The following RBFOX1 variants were observed in gnomAD, a reference collection of about 807,000 sequenced individuals.
The protein encoded by RBFOX1 is RNA binding protein fox-1 homolog 1.
In RBFOX1, 8 loss-of-function variants were observed where a neutral mutation model predicts 57.7. The ratio of observed to expected loss-of-function variants is 0.14; its 90% CI spans 0.08 to 0.25. The LOEUF (loss-of-function observed/expected upper bound fraction) is 0.25. Among genes scored for constraint, RBFOX1 ranks in the 10% least tolerant of loss-of-function variants. The pLI is 1.00. For synonymous variants in RBFOX1, 326 were observed against 222.4 expected, an observed-to-expected ratio of 1.47 and a Z score of -4.15; for missense variants, 611 against 548.5, an observed-to-expected ratio of 1.11 and a Z score of -1.14.
chr16:7,562,709 C>T (rs1322199331), intron 5 of RBFOX1, among the ~76,000 whole-genome samples: 1 of 152,160 alleles, frequency 6.6e-6, no homozygotes, highest in East Asian at 1.9e-4. Context: ...AGCCCCCAGT[C>T]TTGAAAGAAG....
chr16:7,204,396 C>G (rs535579746), intron 4 of RBFOX1, among the ~76,000 whole-genome samples: 2 of 147,036 alleles, frequency 1.4e-5, no homozygotes, highest in African/African-American at 5.1e-5. Context: ...AATCCCAGTA[C>G]TTTGAGAGGC....
At chr16:7,542,332 A>C (rs2083169516) in intron 5 of RBFOX1, among the ~76,000 whole-genome samples, 1 of 152,186 alleles carries the variant, frequency 6.6e-6, no homozygotes, top group Non-Finnish European at 1.5e-5. Context: ...CTTGTGTTTG[A>C]AAGCATACGC....
At chr16:7,670,011 C>T (rs2070849628) in intron 13 of RBFOX1, among the ~76,000 whole-genome samples, 1 of 152,048 alleles carries the variant, frequency 6.6e-6, no homozygotes, top group African/African-American at 2.4e-5. Flanking sequence ...GGAATCTTAC[C>T]TCTATTTTTC....
At chr16:6,460,642 T>C (rs1450541829) in intron 2 of RBFOX1, among the ~76,000 whole-genome samples, 1 of 152,160 alleles carries the variant, frequency 6.6e-6, no homozygotes, top group Non-Finnish European at 1.5e-5. Flanking sequence ...TTTTACACTG[T>C]TAGTGGGAAT....
chr16:5,279,654 A>C (rs1357714184), intron 1 of RBFOX1, among the ~76,000 whole-genome samples: 5 of 152,000 alleles, frequency 3.3e-5, no homozygotes, highest in Non-Finnish European at 7.4e-5. Context: ...GGCACCTACC[A>C]CCATGCCTGG....
At chr16:7,494,258 T>C (rs929758459) in intron 4 of RBFOX1, among the ~76,000 whole-genome samples, 2 of 152,194 alleles carry the variant, frequency 1.3e-5, no homozygotes, top group African/African-American at 4.8e-5. Context: ...AAGCATCCCA[T>C]TAAATGCTTT....
intron 4 of RBFOX1, among the ~76,000 whole-genome samples, chr16:7,389,680 G>C (rs897430794): frequency 6.6e-6 from 1 of 152,132 alleles, no homozygotes; most frequent in East Asian, 1.9e-4. Context: ...AGACAATCTG[G>C]CTGGAGTTTA....
chr16:7,163,564 C>T (rs1567526385), intron 4 of RBFOX1, among the ~76,000 whole-genome samples: 2 of 152,258 alleles, frequency 1.3e-5, no homozygotes, highest in Middle Eastern at 3.4e-3. Flanking sequence ...CCTAGAATCT[C>T]AATAAGCTCT....
intron 3 of RBFOX1, among the ~76,000 whole-genome samples, chr16:5,828,424 A>G (rs9922469): frequency 0.067 from 10,185 of 152,230 alleles, 784 homozygotes; most frequent in African/African-American, 0.19. Flanking sequence ...AAAAAATGCA[A>G]CCACCGGGCT....
chr16:6,117,885 C>A (rs1218346036), intron 1 of RBFOX1, among the ~76,000 whole-genome samples: 1 of 152,138 alleles, frequency 6.6e-6, no homozygotes, highest in African/African-American at 2.4e-5. Context: ...CTTCCCACCA[C>A]CATGATTAAA....
chr16:7,496,711 C>A (rs1308073501), intron 4 of RBFOX1, among the ~76,000 whole-genome samples: 3 of 134,798 alleles, frequency 2.2e-5, no homozygotes, highest in Non-Finnish European at 4.6e-5. Context: ...TTAAATTTGA[C>A]CACTGCAGTG....
intron 3 of RBFOX1, among the ~76,000 whole-genome samples, chr16:6,886,316 C>T (rs917515122): frequency 6.6e-6 from 1 of 151,986 alleles, no homozygotes; most frequent in Admixed American, 6.6e-5. Flanking sequence ...CCCACCTCGA[C>T]CTCCCAAAGT....
chr16:6,629,717 A>T (rs901247568), intron 2 of RBFOX1, among the ~76,000 whole-genome samples: 27 of 152,204 alleles, frequency 1.8e-4, no homozygotes, highest in Admixed American at 6.5e-5. Flanking sequence ...ATATAGGTGG[A>T]TCACAAAATA....
At chr16:5,789,660 A>G (rs1258223039) in intron 3 of RBFOX1, among the ~76,000 whole-genome samples, 2 of 152,214 alleles carry the variant, frequency 1.3e-5, no homozygotes, top group Non-Finnish European at 1.5e-5. Flanking sequence ...ACTCATGACT[A>G]TGCATTATTT....
intron 3 of RBFOX1, among the ~76,000 whole-genome samples, chr16:5,691,647 G>C (rs111500568): frequency 0.017 from 2,629 of 152,322 alleles, 33 homozygotes; most frequent in Non-Finnish European, 0.025. Flanking sequence ...GCTCCAATGA[G>C]AGTCATGTTG....
At chr16:7,314,318 G>A (rs1331552053) in intron 4 of RBFOX1, among the ~76,000 whole-genome samples, 1 of 152,158 alleles carries the variant, frequency 6.6e-6, no homozygotes, top group Non-Finnish European at 1.5e-5. Flanking sequence ...TGCGGGGCCT[G>A]GTCGTGTTCA....
intron 3 of RBFOX1, among the ~76,000 whole-genome samples, chr16:7,033,423 G>C (rs982037792): frequency 6.6e-6 from 1 of 152,200 alleles, no homozygotes; most frequent in Non-Finnish European, 1.5e-5. Context: ...GGGAGGCTGA[G>C]GCAGGAGATT....
intron 3 of RBFOX1, among the ~76,000 whole-genome samples, chr16:6,929,327 T>C (rs1436254193): frequency 6.6e-6 from 1 of 152,140 alleles, no homozygotes; most frequent in Non-Finnish European, 1.5e-5. Flanking sequence ...TACCTTGTTT[T>C]TTCATTCATA....
chr16:6,011,811 G>A (rs542162342), intron 4 of RBFOX1, among the ~76,000 whole-genome samples: 1 of 152,180 alleles, frequency 6.6e-6, no homozygotes, highest in Non-Finnish European at 1.5e-5. Flanking sequence ...AGTTGGAGAC[G>A]AGGAGGTTGT....
Sources: allele counts gnomAD v4.1 joint callset (sites outside exome capture counted in the v4.1 genomes callset), GRCh38; gene constraint gnomAD v4.1.1; transcripts MANE v1.5; gene names NCBI Gene and HGNC (gene_info 2026-07-23, HGNC 2026-07-21).